The following INVS variants were observed in gnomAD, a reference collection of about 807,000 sequenced individuals.
INVS encodes the protein inversion of embryo turning homolog.
In INVS, 86 loss-of-function variants were observed where a neutral mutation model predicts 108.8. That is an observed-to-expected ratio of 0.79 (90% CI 0.66 to 0.95). INVS has a LOEUF of 0.95. Ranked by LOEUF, INVS falls within the 40% of genes least tolerant of loss-of-function variation. The pLI is 0.00. For missense variants in INVS, 1,169 were observed against 1,297.4 expected (o/e 0.90, Z 1.52); for synonymous variants, 455 against 473.5 (o/e 0.96, Z 0.51).
chr9:100,223,655 C>G (rs747039270), intron 3 of INVS, among the ~76,000 whole-genome samples: 1 of 152,128 alleles, frequency 6.6e-6, no homozygotes, highest in South Asian at 2.1e-4. Flanking sequence ...TGAATAGGTA[C>G]TAGAATAAAG....
chr9:100,224,264 A>G (rs989446174), intron 3 of INVS, among the ~76,000 whole-genome samples: 2 of 152,198 alleles, frequency 1.3e-5, no homozygotes, highest in African/African-American at 4.8e-5. Context: ...GAGAACATCA[A>G]TGCATTATCA....
rs11790431 is a variant in INVS, at chr9:100,284,634, G to A, written c.2068+31G>A. 241,060 of 1,604,612 alleles carry A rather than the reference G, an allele frequency of 0.15. 20,449 individuals are homozygous for A. Among genetic ancestry groups the A allele is most frequent in the African/African-American group, 0.32 (23,599 of 74,788 alleles). ...TGTATTGCCTTTGTCATCTTCTGCC[G>A]GCCCATGGACTGTGGGCTTTTTTGA... On this transcript the variant is annotated intron_variant, in intron 13 of 16. Transcript: ENST00000262457.
intron 3 of INVS, among the ~76,000 whole-genome samples, chr9:100,137,591 A>G (rs1828268516): frequency 6.6e-6 from 1 of 152,172 alleles, no homozygotes; most frequent in South Asian, 2.1e-4. Context: ...TTAACTCTCT[A>G]AGCCTCTGTA....
chr9:100,109,835 T>C (rs1827288079), intron 2 of INVS, among the ~76,000 whole-genome samples: 1 of 152,094 alleles, frequency 6.6e-6, no homozygotes, highest in Non-Finnish European at 1.5e-5. Context: ...CCGGCTAATT[T>C]GTTGTATTTT....
chr9:100,100,580 A>AAT (rs1381490407), intron 1 of INVS, among the ~76,000 whole-genome samples: 1 of 100,356 alleles, frequency 1.0e-5, no homozygotes, highest in Non-Finnish European at 1.9e-5. Context: ...ATATATATAT[A>AAT]ATATATATAA....
chr9:100,106,317 T>C (rs1240607516), intron 2 of INVS, among the ~76,000 whole-genome samples: 1 of 152,176 alleles, frequency 6.6e-6, no homozygotes, highest in East Asian at 1.9e-4. Flanking sequence ...CTCAGGGACA[T>C]TGCTTCTTTT....
intron 10 of INVS, among the ~76,000 whole-genome samples, chr9:100,257,240 TTTTTTGTTTTCCA>T (rs1832450441): frequency 6.6e-6 from 1 of 152,182 alleles, no homozygotes; most frequent in African/African-American, 2.4e-5. Context: ...ACCCCTGCCT[TTTTTTGTTTTCCA>T]TTTGCTTGGC....
At chr9:100,220,234 G>A (rs1831104209) in intron 3 of INVS, among the ~76,000 whole-genome samples, 1 of 151,876 alleles carries the variant, frequency 6.6e-6, no homozygotes, top group Non-Finnish European at 1.5e-5. Flanking sequence ...CCTTTCAAGT[G>A]CTGTTCTCTG....
intron 3 of INVS, among the ~76,000 whole-genome samples, chr9:100,152,944 T>A (rs1318222600): frequency 1.3e-5 from 2 of 152,182 alleles, no homozygotes; most frequent in Non-Finnish European, 2.9e-5. Context: ...TTTGAAGTAA[T>A]GACTGTAAAC....
At position 100,290,995 on chromosome 9, in the gene INVS, C is replaced by T. The variant is rs548818834; in HGVS notation, c.2069-1331C>T. ...CCCAAGGTGCTGGGCCCACTGCACCCAGCCAGAACAGTTATTTTAAAGTCT... is the reference window on the plus strand; with the variant it reads ...CCCAAGGTGCTGGGCCCACTGCACCTAGCCAGAACAGTTATTTTAAAGTCT... On this transcript the variant is annotated intron_variant, in intron 13 of 16. Transcript: ENST00000262457. Among the ~76,000 whole-genome samples the T allele has an allele frequency of 7.9e-5, 12 of 152,138 alleles. No homozygotes were observed. The South Asian group carries it at 2.5e-3, about 32-fold the overall frequency.
At chr9:100,133,902 A>G (rs1007925761) in intron 3 of INVS, among the ~76,000 whole-genome samples, 9 of 152,232 alleles carry the variant, frequency 5.9e-5, no homozygotes, top group African/African-American at 2.2e-4. Context: ...TGAGAATTAC[A>G]TGATAGTTTT....
At chr9:100,199,826 T>C (rs1447460530) in intron 3 of INVS, among the ~76,000 whole-genome samples, 2 of 152,182 alleles carry the variant, frequency 1.3e-5, no homozygotes, top group African/African-American at 4.8e-5. Flanking sequence ...TTGGATTCAC[T>C]GAGTTTCTTG....
chr9:100,194,263 A>T (rs923144685), intron 3 of INVS, among the ~76,000 whole-genome samples: 4 of 152,186 alleles, frequency 2.6e-5, no homozygotes, highest in African/African-American at 9.6e-5. Flanking sequence ...TTTTCATTTG[A>T]GCCATTCTAA....
intron 2 of INVS, among the ~76,000 whole-genome samples, chr9:100,114,869 T>A (rs1470313300): frequency 6.6e-6 from 1 of 152,244 alleles, no homozygotes; most frequent in Non-Finnish European, 1.5e-5. Flanking sequence ...ATGTTTCCAG[T>A]GTTTAGCAAT....
At chr9:100,278,559 C>T (rs1321261175) in intron 12 of INVS, among the ~76,000 whole-genome samples, 1 of 152,160 alleles carries the variant, frequency 6.6e-6, no homozygotes, top group Non-Finnish European at 1.5e-5. Flanking sequence ...TCTCTAGTAC[C>T]TTAGAATGTT....
chr9:100,201,645 T>G (rs939727128), intron 3 of INVS, among the ~76,000 whole-genome samples: 1 of 152,238 alleles, frequency 6.6e-6, no homozygotes, highest in African/African-American at 2.4e-5. Context: ...CAAAAGGTTT[T>G]AAATATTTCA....
In INVS at chr9:100,292,330, A is replaced by G; in HGVS notation, c.2073A>G (p.Thr691=). 1.2e-6 allele frequency: 2 copies of G among 1,613,888 alleles called. No individual in the cohort carries two copies. The highest frequency in any genetic ancestry group is 2.2e-5 in the South Asian group (2 of 91,086). The change falls in exon 14 of 17, where the codon ACA becomes ACG. Residue 691 remains threonine (T), a synonymous_variant. Coordinates refer to ENST00000262457, the MANE Select transcript of INVS (RefSeq NM_014425.5). ...TTTTTTCTTTGTTTCCTCAAGAAAC[A>G]GCCAGAGAACATTCTAAAGGCCAAT... is the stretch of plus-strand genomic sequence containing the variant. ...QGTNSRRPNE[T]AREHSKGQSA...
chr9:100,129,100 G>C (rs1399363526), intron 3 of INVS, among the ~76,000 whole-genome samples: 3 of 151,934 alleles, frequency 2.0e-5, no homozygotes, highest in Non-Finnish European at 4.4e-5. Flanking sequence ...CGGAAGGATT[G>C]CTTGAGCCCT....
At chr9:100,248,294 T>C (rs1307184217) in intron 8 of INVS, among the ~76,000 whole-genome samples, 2 of 152,230 alleles carry the variant, frequency 1.3e-5, no homozygotes, top group Non-Finnish European at 2.9e-5. Context: ...GCAAGGATAC[T>C]TGCACTCTTT....
Sources: gnomAD v4.1 joint callset for allele counts (sites outside exome capture counted in the v4.1 genomes callset) on GRCh38, gnomAD v4.1.1 for gene constraint, MANE v1.5 for transcripts, NCBI Gene and HGNC (gene_info 2026-07-23, HGNC 2026-07-21) for gene names.